Variants in WNT9B observed in about 807,000 individuals in gnomAD.
WNT9B encodes Wnt family member 9B, also known as protein Wnt-9b.
WNT9B carries 12 observed loss-of-function variants against 30.2 expected under a neutral mutation model. That is an observed-to-expected ratio of 0.40 (90% CI 0.26 to 0.64). WNT9B has a LOEUF of 0.64. WNT9B is among the 30% of genes least tolerant of loss of function. WNT9B has a pLI of 0.42. For synonymous variants in WNT9B, 218 were observed against 216.9 expected (o/e 1.01, Z -0.05); for missense variants, 442 against 485.2 (o/e 0.91, Z 0.84).
At position 46,880,237 on chromosome 17, in the gene WNT9B, C is replaced by A. The variant is rs1057117552; in HGVS notation, c.*3519C>A. ...TAGATAAGCCCAGCTTTCCTGGTAC[C>A]CTTCATCACCTGGCAGACAGACAGC... On this transcript the variant is annotated 3_prime_UTR_variant, in exon 4 of 4. Coordinates refer to ENST00000290015, the MANE Select transcript of WNT9B (RefSeq NM_003396.3). 6.6e-6 allele frequency among the ~76,000 whole-genome samples: 1 copy of A among 152,194 alleles called. No individual in the cohort carries two copies.
chr17:46,864,189 C>G (rs566040083), intron 1 of WNT9B, among the ~76,000 whole-genome samples: 1 of 152,162 alleles, frequency 6.6e-6, no homozygotes, highest in Admixed American at 6.5e-5. Context: ...TTGGTCAATG[C>G]GTCATGGTTA....
chr17:46,854,927 T>C lies in WNT9B; in HGVS notation c.77+3212T>C, dbSNP rs536289349. ...CACTTGCCTGGGCCTCCTAAAGTGC[T>C]GGGATTACAGGCATGAGCTACCATG... On this transcript the variant is annotated intron_variant, in intron 1 of 3. Transcript: ENST00000290015. Among the ~76,000 whole-genome samples the C allele has an allele frequency of 7.2e-5, 11 of 152,326 alleles. No individual in the cohort carries two copies. The South Asian group carries it at 2.3e-3, about 32-fold the overall frequency.
At chr17:46,842,971 T>G (rs895735589) in intron 1 of WNT9B, among the ~76,000 whole-genome samples, 15 of 152,000 alleles carry the variant, frequency 9.9e-5, no homozygotes, top group African/African-American at 3.6e-4. Context: ...GAGACAAGAT[T>G]TTAAGTTAGG....
intron 1 of WNT9B, among the ~76,000 whole-genome samples, chr17:46,836,095 C>CGTGTGTGTCTGTGT (rs1555692747): frequency 7.9e-6 from 1 of 126,434 alleles, no homozygotes; most frequent in South Asian, 3.1e-4. Flanking sequence ...GAGACGCTGA[C>CGTGTGTGTCTGTGT]GTGTGTGTGT....
chr17:46,853,061 T>C, intron 1 of WNT9B, among the ~76,000 whole-genome samples: 1 of 152,182 alleles, frequency 6.6e-6, no homozygotes, highest in Non-Finnish European at 1.5e-5. Context: ...CTGATCCTTT[T>C]GCGATCCACC....
At chr17:46,836,095 C>CGCGTGTGTGTGTGTGTGT (rs1555692748) in intron 1 of WNT9B, among the ~76,000 whole-genome samples, 1 of 126,434 alleles carries the variant, frequency 7.9e-6, no homozygotes, top group African/African-American at 3.2e-5. Context: ...GAGACGCTGA[C>CGCGTGTGTGTGTGTGTGT]GTGTGTGTGT....
chr17:46,871,551 T>C (rs2085244099), intron 1 of WNT9B, among the ~76,000 whole-genome samples: 2 of 152,202 alleles, frequency 1.3e-5, no homozygotes, highest in Admixed American at 6.5e-5. Flanking sequence ...AAGCTCCAGC[T>C]AGCAGGAAGG....
chr17:46,876,456 C>T lies in WNT9B; in HGVS notation c.812C>T (p.Thr271Ile), dbSNP rs1233061377. The T allele has an allele frequency of 6.2e-7, 1 of 1,613,594 alleles. No individual in the cohort carries two copies. ...GCCCCTGCCAGGCAGGGCAGCCTCA[C>T]CAAAGGCCTGGCCCCAAGGTCTGGG... ...LWAPARQGSL[T>I]KGLAPRSGDL... The change falls in exon 4 of 4, where the codon ACC becomes ATC. Residue 271 changes from threonine to isoleucine, a missense_variant. Thr to Ile is a moderately conservative substitution (Grantham distance 89). Transcript: ENST00000290015.
chr17:46,870,657 C>T (rs2085225653), intron 1 of WNT9B, among the ~76,000 whole-genome samples: 1 of 152,194 alleles, frequency 6.6e-6, no homozygotes, highest in African/African-American at 2.4e-5. Flanking sequence ...GGCCAGGCCG[C>T]ATACCCTCTG....
At chr17:46,860,688 T>C (rs2085022253) in intron 1 of WNT9B, among the ~76,000 whole-genome samples, 1 of 152,248 alleles carries the variant, frequency 6.6e-6, no homozygotes, top group South Asian at 2.1e-4. Flanking sequence ...GAAGAGTCTT[T>C]GGTGGTGACA....
intron 1 of WNT9B, among the ~76,000 whole-genome samples, chr17:46,865,307 C>T (rs1011186283): frequency 6.6e-6 from 1 of 152,254 alleles, no homozygotes; most frequent in African/African-American, 2.4e-5. Flanking sequence ...CTGATGCCAT[C>T]CCCTGCAGGC....
rs2085362748 is a variant in WNT9B, at chr17:46,877,392, T to G, written c.*674T>G. Among the ~76,000 whole-genome samples, 1 of 152,226 alleles carries G rather than the reference T, an allele frequency of 6.6e-6. No individual in the cohort carries two copies. Among genetic ancestry groups the G allele is most frequent in the Non-Finnish European group, 1.5e-5 (1 of 68,030 alleles). ...TGTCCTTGATTTGGCTTTTCAAATA[T>G]GCCTCCGCTGAGGCCTCATTCTTGT... On this transcript the variant is annotated 3_prime_UTR_variant, in exon 4 of 4. Transcript: ENST00000290015.
intron 1 of WNT9B, among the ~76,000 whole-genome samples, chr17:46,852,389 AGTGT>A (rs61138160): frequency 0.16 from 16,902 of 105,058 alleles, 1,362 homozygotes; most frequent in East Asian, 0.28. Context: ...GAGAGGGCCC[AGTGT>A]GTGTGTGTGT....
At chr17:46,861,192 T>C (rs9912150) in intron 1 of WNT9B, among the ~76,000 whole-genome samples, 3,729 of 152,348 alleles carry the variant, frequency 0.024, 155 homozygotes, top group African/African-American at 0.086. Context: ...CTGCACTTGG[T>C]GCATGTCCTG....
intron 1 of WNT9B, among the ~76,000 whole-genome samples, chr17:46,835,997 T>C (rs1209437531): frequency 6.6e-6 from 1 of 151,742 alleles, no homozygotes; most frequent in Non-Finnish European, 1.5e-5. Flanking sequence ...ACCTTAAAGT[T>C]ATTGTGCCCA....
chr17:46,847,772 G>A (rs1362746493), upstream of WNT9B, among the ~76,000 whole-genome samples: 1 of 152,190 alleles, frequency 6.6e-6, no homozygotes. Context: ...CTGGGAAGCC[G>A]CATTTCCACT....
chr17:46,852,550 C>A (rs1428353432), intron 1 of WNT9B, among the ~76,000 whole-genome samples: 1 of 148,058 alleles, frequency 6.8e-6, no homozygotes, highest in Non-Finnish European at 1.5e-5. Flanking sequence ...ATGTTTGGAG[C>A]AAAAGTTATA....
At chr17:46,834,718 G>A (rs763475637) in intron 1 of WNT9B, among the ~76,000 whole-genome samples, 4 of 152,144 alleles carry the variant, frequency 2.6e-5, no homozygotes, top group Middle Eastern at 3.4e-3. Flanking sequence ...GTTTTAACCT[G>A]GAAGGTTCCC....
chr17:46,836,643 C>T (rs1359370680), intron 1 of WNT9B, among the ~76,000 whole-genome samples: 1 of 152,156 alleles, frequency 6.6e-6, no homozygotes, highest in African/African-American at 2.4e-5. Flanking sequence ...AAATATGCCG[C>T]ATGTTGGGAA....
Sources: gnomAD v4.1 joint callset for allele counts (sites outside exome capture counted in the v4.1 genomes callset) on GRCh38, gnomAD v4.1.1 for gene constraint, MANE v1.5 for transcripts, NCBI Gene and HGNC (gene_info 2026-07-23, HGNC 2026-07-21) for gene names.